DCAF6: variants seen among roughly 807,000 people sequenced by gnomAD.
DCAF6 encodes DDB1- and CUL4-associated factor 6.
In DCAF6, 54 loss-of-function variants were observed where a neutral mutation model predicts 125.1. That is an observed-to-expected ratio of 0.43 (90% confidence interval 0.35 to 0.54). The LOEUF (loss-of-function observed/expected upper bound fraction) is 0.54, where lower values mean the gene tolerates loss of function less well. Among genes scored for constraint, DCAF6 ranks in the 20% least tolerant of loss-of-function variants. The pLI is 0.01. For missense variants in DCAF6, 934 were observed against 1,161.7 expected (o/e 0.80, Z 2.85); for synonymous variants, 371 against 390.4 (o/e 0.95, Z 0.58).
intron 2 of DCAF6, 114 bp downstream of exon 2, chr1:167,951,975 T>G (rs934759577): frequency 1.7e-6 from 1 of 600,246 alleles, no homozygotes; most frequent in Non-Finnish European, 2.9e-6. Flanking sequence ...AATGGGAGAA[T>G]AAAGTTTTAC....
intron 3 of DCAF6, among the ~76,000 whole-genome samples, chr1:167,971,475 T>C (rs900910291): frequency 6.6e-6 from 1 of 152,104 alleles, no homozygotes; most frequent in African/African-American, 2.4e-5. Flanking sequence ...GGGTTATGGG[T>C]CAGGTTTGAA....
intron 8 of DCAF6, 45 bp downstream of exon 8, chr1:168,002,620 A>T (rs764662810): frequency 6.9e-7 from 1 of 1,459,064 alleles, no homozygotes. Context: ...GGTATTTTAA[A>T]ATTAATATTT....
At chr1:167,869,233 T>C in the DCAF6 span, among the ~76,000 whole-genome samples, 8 of 152,184 alleles carry the variant, frequency 5.3e-5, no homozygotes, top group African/African-American at 1.9e-4. Flanking sequence ...AGAAACCTGC[T>C]TACTGCTCCC....
chr1:167,953,559 T>C (rs1674306425), intron 2 of DCAF6, among the ~76,000 whole-genome samples: 1 of 152,234 alleles, frequency 6.6e-6, no homozygotes, highest in South Asian at 2.1e-4. Context: ...CTTTATGAAT[T>C]ATTCATTGAT....
At chr1:167,901,661 C>T in the DCAF6 span, 1 of 1,614,004 alleles carries the variant, frequency 6.2e-7, no homozygotes, top group Non-Finnish European at 8.5e-7. Context: ...CAAATGCTTA[C>T]CTATCTTGAC....
At chr1:167,998,233 T>A (rs1682049620) in intron 7 of DCAF6, among the ~76,000 whole-genome samples, 1 of 152,218 alleles carries the variant, frequency 6.6e-6, no homozygotes, top group South Asian at 2.1e-4. Context: ...AAGTGTGCAA[T>A]AGCATTATAT....
At chr1:167,940,740 T>C (rs1336615967) in intron 1 of DCAF6, among the ~76,000 whole-genome samples, 1 of 152,188 alleles carries the variant, frequency 6.6e-6, no homozygotes, top group Non-Finnish European at 1.5e-5. Context: ...TACTCATATT[T>C]CTTTCCTTTT....
At chr1:168,001,382 G>GT (rs1387233146) in intron 7 of DCAF6, among the ~76,000 whole-genome samples, 1 of 152,184 alleles carries the variant, frequency 6.6e-6, no homozygotes, top group African/African-American at 2.4e-5. Flanking sequence ...GAAAGATGCT[G>GT]TTTGAGTTGG....
chr1:167,876,533 C>T, the DCAF6 span, among the ~76,000 whole-genome samples: 2 of 152,150 alleles, frequency 1.3e-5, no homozygotes, highest in African/African-American at 4.8e-5. Flanking sequence ...ATGTAACATA[C>T]AGCTAAGTTT....
chr1:168,072,880 G>A (rs1435989074), intron 21 of DCAF6, among the ~76,000 whole-genome samples: 1 of 152,160 alleles, frequency 6.6e-6, no homozygotes, highest in East Asian at 1.9e-4. Context: ...GTTTCCTGAA[G>A]AAATATTCTA....
chr1:168,049,061 G>A (rs1689493983), intron 16 of DCAF6, among the ~76,000 whole-genome samples: 2 of 152,092 alleles, frequency 1.3e-5, no homozygotes, highest in Admixed American at 1.3e-4. Flanking sequence ...CAAGAACATG[G>A]AACAGTAAAT....
At chr1:167,870,123 G>A in the DCAF6 span, 1 of 989,626 alleles carries the variant, frequency 1.0e-6, no homozygotes, top group Non-Finnish European at 1.6e-6. Flanking sequence ...TATCTATTTA[G>A]CACAAGGGTC....
intron 12 of DCAF6, among the ~76,000 whole-genome samples, chr1:168,031,986 A>C (rs1001652631): frequency 1.3e-5 from 2 of 151,668 alleles, no homozygotes; most frequent in Non-Finnish European, 2.9e-5. Flanking sequence ...ATGTGGAACC[A>C]AGCACAGTTT....
intron 1 of DCAF6, among the ~76,000 whole-genome samples, chr1:167,937,872 A>G (rs1228260277): frequency 2.0e-5 from 3 of 151,806 alleles, no homozygotes; most frequent in South Asian, 2.1e-4. Context: ...CTTTCTTTCT[A>G]TTTGGAGATA....
Position 168,015,846 on chromosome 1 carries a change from G to C in DCAF6, c.1444G>C (p.Ala482Pro). Residue 482 changes from alanine (A) to proline (P), a missense_variant, in exon 11 of 22, where the codon GCT (alanine) becomes CCT (proline). Ala to Pro is a conservative substitution (Grantham distance 27). Transcript: ENST00000367840. ...CCTGCAACAACTGAGGCTTAAGAAG[G>C]CTGAGCAGCAGAGGCAGCAAGAGCT... ...KRLQQLRLKK[A>P]EQQRQQELAA... 3 of 1,539,532 alleles carry C rather than the reference G, an allele frequency of 1.9e-6. No homozygotes were observed. The highest frequency in any genetic ancestry group is 2.6e-6 in the Non-Finnish European group (3 of 1,141,418).
At chr1:167,991,510 G>T (rs79896575) in intron 6 of DCAF6, among the ~76,000 whole-genome samples, 171 bp downstream of exon 6, 1 of 152,224 alleles carries the variant, frequency 6.6e-6, no homozygotes, top group East Asian at 1.9e-4. Flanking sequence ...TGACCCTTTG[G>T]GATGATACTT....
chr1:167,941,850 A>AT (rs1672293834), intron 1 of DCAF6, among the ~76,000 whole-genome samples: 1 of 152,194 alleles, frequency 6.6e-6, no homozygotes, highest in Admixed American at 6.5e-5. Flanking sequence ...ATAGATATCT[A>AT]TTGTGGGATT....
chr1:167,981,513 C>T (rs1679124294), intron 4 of DCAF6, among the ~76,000 whole-genome samples: 1 of 152,138 alleles, frequency 6.6e-6, no homozygotes, highest in Non-Finnish European at 1.5e-5. Context: ...GTTAGTGTTT[C>T]ACCCCTTCCT....
intron 12 of DCAF6, among the ~76,000 whole-genome samples, chr1:168,036,645 A>G (rs1032448218): frequency 2.0e-5 from 3 of 152,210 alleles, no homozygotes; most frequent in Non-Finnish European, 4.4e-5. Context: ...GCAAACAGCA[A>G]GTTTTTGAAA....
Sources: gnomAD v4.1 joint callset for allele counts (sites outside exome capture counted in the v4.1 genomes callset) on GRCh38, gnomAD v4.1.1 for gene constraint, MANE v1.5 for transcripts, NCBI Gene and HGNC (gene_info 2026-07-23, HGNC 2026-07-21) for gene names.